MME: variants seen among roughly 807,000 people sequenced by gnomAD.
MME encodes membrane metalloendopeptidase.
MME carries 98 observed loss-of-function variants against 113.2 expected under a neutral mutation model. The observed-to-expected ratio is 0.87, with a 90% CI of 0.74 to 1.02. The LOEUF (loss-of-function observed/expected upper bound fraction) is 1.02. Ranked by LOEUF, MME falls within the 50% of genes least tolerant of loss-of-function variation. MME has a pLI of 0.00. For synonymous variants in MME, 292 were observed against 300.6 expected, an observed-to-expected ratio of 0.97 and a Z score of 0.30; for missense variants, 836 against 896.0, an observed-to-expected ratio of 0.93 and a Z score of 0.86.
At chr3:155,124,495 C>G (rs1413999020) in intron 8 of MME, among the ~76,000 whole-genome samples, 5 of 152,326 alleles carry the variant, frequency 3.3e-5, no homozygotes, top group Non-Finnish European at 7.3e-5. Flanking sequence ...GAGAGACGCT[C>G]TGCGTTTTAG....
At chr3:155,073,255 A>G (rs1714639746) in intron 1 of MME, among the ~76,000 whole-genome samples, 1 of 151,290 alleles carries the variant, frequency 6.6e-6, no homozygotes, top group Admixed American at 6.6e-5. Flanking sequence ...CAAGTTAAAA[A>G]TGATCTTACA....
In MME at chr3:155,085,090, A is replaced by T. The variant is rs1250726521; in HGVS notation, c.192A>T (p.Lys64Asn). The change falls in exon 3 of 23, where the codon AAA becomes AAT. Residue 64 changes from lysine (K) to asparagine (N), a missense_variant. Physicochemically the swap from Lys to Asn is moderately conservative, Grantham distance 94. Coordinates refer to ENST00000360490, the MANE Select transcript of MME (RefSeq NM_007289.4). ...DGICKSSDCIKSAARLIQNMD... is the reference protein window; with the variant it reads ...DGICKSSDCINSAARLIQNMD... ...TTTGCAAGTCATCAGACTGCATAAA[A>T]TCAGGTAAGAAATGGTTTTTACGTG... 6.3e-7 allele frequency: 1 copy of T among 1,581,762 alleles called. No individual in the cohort carries two copies. Among genetic ancestry groups the T allele is most frequent in the Non-Finnish European group, 8.7e-7 (1 of 1,154,562 alleles).
intron 3 of MME, among the ~76,000 whole-genome samples, chr3:155,098,228 T>C (rs1716899836): frequency 6.6e-6 from 1 of 152,054 alleles, no homozygotes; most frequent in Non-Finnish European, 1.5e-5. Context: ...GGATGTACAC[T>C]GGACAGAAGA....
chr3:155,039,937 A>G (rs73874464), intron 1 of MME, among the ~76,000 whole-genome samples: 3,261 of 152,182 alleles, frequency 0.021, 112 homozygotes, highest in African/African-American at 0.069. Context: ...TAAAGATAAA[A>G]TTTTTTTAAC....
chr3:155,105,160 A>G (rs1032506708), intron 3 of MME, among the ~76,000 whole-genome samples: 4 of 152,310 alleles, frequency 2.6e-5, no homozygotes, highest in East Asian at 1.9e-4. Flanking sequence ...GGGAGTGCCA[A>G]CTGAAGTTTA....
At chr3:155,038,577 A>T (rs1384867600) in intron 1 of MME, among the ~76,000 whole-genome samples, 1 of 152,154 alleles carries the variant, frequency 6.6e-6, no homozygotes, top group South Asian at 2.1e-4. Context: ...ATTAGAACTC[A>T]CTCATGATGT....
rs541495961 is a variant in MME at position 155,101,586 on chromosome 3, G to A, written c.197-13408G>A. ...CTCATTCCCCACTTCTGGAAAATGA[G>A]TTTCTTTTTTTCTTTTCTGTCTTCT... On this transcript the variant is annotated intron_variant, in intron 3 of 22. Coordinates refer to ENST00000360490, the MANE Select transcript of MME (RefSeq NM_007289.4). Among the ~76,000 whole-genome samples, 7 of 152,294 alleles carry A rather than the reference G, an allele frequency of 4.6e-5. 1 individual carries two copies. The East Asian group carries it at 1.4e-3, about 29-fold the overall frequency.
intron 3 of MME, among the ~76,000 whole-genome samples, chr3:155,105,572 A>G (rs1164542549): frequency 6.6e-6 from 1 of 152,212 alleles, no homozygotes; most frequent in Non-Finnish European, 1.5e-5. Flanking sequence ...AAGAAAAATG[A>G]TTAGAACCCA....
rs1180877007 is a variant in MME at position 155,061,717 on chromosome 3, A to C, written c.-10-22441A>C. Among the ~76,000 whole-genome samples the C allele has an allele frequency of 2.1e-5, 3 of 142,992 alleles. No homozygotes were observed. The South Asian group carries it at 6.6e-4, about 31-fold the overall frequency. The allele number at this position is 142,992 out of a possible 152,430, so 93.8% of individuals were successfully genotyped here. Reference sequence around the variant, plus strand: ...TGCTCTGTTGCCGAGGCTGGAGTGCAGTGGCACAGTCTTGGCTCACTGCAA... The same window carrying C: ...TGCTCTGTTGCCGAGGCTGGAGTGCCGTGGCACAGTCTTGGCTCACTGCAA... On this transcript the variant is annotated intron_variant, in intron 1 of 22. Coordinates refer to the MME transcript ENST00000492661.
intron 1 of MME, among the ~76,000 whole-genome samples, chr3:155,033,271 T>A (rs971462757): frequency 6.6e-6 from 1 of 152,206 alleles, no homozygotes; most frequent in African/African-American, 2.4e-5. Flanking sequence ...GAAATTTTGT[T>A]CTATTTCATA....
intron 4 of MME, 59 bp downstream of exon 4, chr3:155,115,214 A>G (rs1481668408): frequency 1.1e-5 from 18 of 1,581,540 alleles, no homozygotes; most frequent in Non-Finnish European, 1.6e-5. Flanking sequence ...TCATTTTTTA[A>G]ATATACAATT....
chr3:155,138,056 A>G (rs201545522), intron 8 of MME, 46 bp from the exon 9 acceptor site: 5 of 1,604,074 alleles, frequency 3.1e-6, no homozygotes, highest in Non-Finnish European at 4.3e-6. Flanking sequence ...ACCATGATGA[A>G]TATTTAGAGC....
intron 1 of MME, among the ~76,000 whole-genome samples, chr3:155,042,248 T>C (rs1398492909): frequency 2.0e-5 from 3 of 152,218 alleles, no homozygotes; most frequent in African/African-American, 7.2e-5. Flanking sequence ...ACAATTTTTA[T>C]AATGGAATTT....
intron 3 of MME, chr3:155,090,359 C>T (rs1716183125): frequency 1.3e-5 from 2 of 152,136 alleles, no homozygotes; most frequent in Non-Finnish European, 2.9e-5. Flanking sequence ...CTCTGAGGAT[C>T]CCCCAAGACC....
intron 16 of MME, among the ~76,000 whole-genome samples, chr3:155,155,399 A>G (rs895240380): frequency 5.3e-5 from 8 of 152,202 alleles, no homozygotes; most frequent in African/African-American, 1.9e-4. Flanking sequence ...AACGGTGCAC[A>G]GTTTCTGACA....
At chr3:155,063,940 G>T (rs1232506446) in intron 1 of MME, among the ~76,000 whole-genome samples, 1 of 151,530 alleles carries the variant, frequency 6.6e-6, no homozygotes, top group Admixed American at 6.6e-5. Context: ...AGGTAATCAA[G>T]GTTAAATGTG....
At position 155,087,105 on chromosome 3, in the gene MME, G is replaced by A. The variant is rs140519010; in HGVS notation, c.196+2011G>A. On this transcript the variant is annotated intron_variant, in intron 3 of 22. Transcript: ENST00000360490. ...CTCCTACTTGTCTTCCCAAAGTGCTGGGATTACAGGCATGAGCCACTGCAC... is the reference window on the plus strand; with the variant it reads ...CTCCTACTTGTCTTCCCAAAGTGCTAGGATTACAGGCATGAGCCACTGCAC... Among the ~76,000 whole-genome samples the A allele has an allele frequency of 5.6e-3, 842 of 151,020 alleles. 4 individuals are homozygous for A. Among genetic ancestry groups the A allele is most frequent in the African/African-American group, 0.02 (813 of 41,146 alleles).
At chr3:155,069,135 T>C (rs1303750059) in intron 1 of MME, among the ~76,000 whole-genome samples, 2 of 152,116 alleles carry the variant, frequency 1.3e-5, no homozygotes, top group Admixed American at 1.3e-4. Flanking sequence ...CTAATTTTTG[T>C]AGGTTTGGGA....
chr3:155,131,622 G>A (rs1030602188), intron 8 of MME, among the ~76,000 whole-genome samples: 6 of 152,194 alleles, frequency 3.9e-5, no homozygotes, highest in East Asian at 1.9e-4. Flanking sequence ...TATGCAAGAA[G>A]TTGTACAAAT....
Sources: allele counts gnomAD v4.1 joint callset (sites outside exome capture counted in the v4.1 genomes callset), GRCh38; gene constraint gnomAD v4.1.1; transcripts MANE v1.5; gene names NCBI Gene and HGNC (gene_info 2026-07-23, HGNC 2026-07-21).